Variants in TF observed in about 807,000 individuals in gnomAD.
The protein encoded by TF is serotransferrin.
TF carries 55 observed loss-of-function variants against 82.4 expected under a neutral mutation model. That is an observed-to-expected ratio of 0.67 (90% CI 0.54 to 0.84). The LOEUF is 0.84. TF is among the 40% of genes least tolerant of loss of function. The pLI, the probability that TF is intolerant of heterozygous loss-of-function variation, is 0.00. For missense variants in TF, 737 were observed against 868.4 expected (o/e 0.85, Z 1.90); for synonymous variants, 332 against 332.6 (o/e 1.00, Z 0.02).
rs1937246063 is a variant in TF at position 133,796,054 on chromosome 3, C to T, written c.*17434C>T. 1.3e-5 allele frequency: 2 copies of T among 152,614 alleles called. No homozygotes were observed. Among genetic ancestry groups the T allele is most frequent in the South Asian group, 4.2e-4 (2 of 4,812 alleles). The allele number at this position is 152,614 out of a possible 1,614,324, so 9.5% of individuals were successfully genotyped here. Reference sequence around the variant, plus strand: ...CAGGTTTTGTTTTTCTCCTACAAATCTCTATAACAAACATTCCTGACAGCA... The same window carrying T: ...CAGGTTTTGTTTTTCTCCTACAAATTTCTATAACAAACATTCCTGACAGCA... On this transcript the variant is annotated 3_prime_UTR_variant, in exon 17 of 17. Transcript: ENST00000402696.
chr3:133,754,923 T>A (rs8177223), intron 4 of TF, among the ~76,000 whole-genome samples: 5,635 of 152,262 alleles, frequency 0.037, 334 homozygotes, highest in African/African-American at 0.13. Flanking sequence ...GGCGCAAGGC[T>A]CGGCAGAGGG....
chr3:133,762,874 C>T (rs1405022), intron 9 of TF, among the ~76,000 whole-genome samples: 77,477 of 152,012 alleles, frequency 0.51, 20,821 homozygotes, highest in Non-Finnish European at 0.59. Flanking sequence ...CTACAGTGAG[C>T]TCAAATCAAA....
Position 133,794,489 on chromosome 3 carries a change from C to G in TF, c.*15869C>G, listed in dbSNP as rs1934918418. 1 of 152,214 alleles carries G rather than the reference C, an allele frequency of 6.6e-6. No homozygotes were observed. Among genetic ancestry groups the G allele is most frequent in the African/African-American group, 2.4e-5 (1 of 41,462 alleles). The allele number at this position is 152,214 out of a possible 1,614,324, so 9.4% of individuals were successfully genotyped here. Reference sequence around the variant, plus strand: ...GTTATAACACTAAGTTATTATGCCACCAAGTATTTTCACAAGGTAAAGAAA... The same window carrying G: ...GTTATAACACTAAGTTATTATGCCAGCAAGTATTTTCACAAGGTAAAGAAA... On this transcript the variant is annotated 3_prime_UTR_variant, in exon 17 of 17. Coordinates refer to ENST00000402696, the MANE Select transcript of TF (RefSeq NM_001063.4).
chr3:133,702,670 C>T, the TF span, among the ~76,000 whole-genome samples: 106 of 151,692 alleles, frequency 7.0e-4, no homozygotes, highest in African/African-American at 2.2e-3. Context: ...GATCTCTGAG[C>T]GATGAAATTG....
At chr3:133,748,090 G>A (rs1441678813) in intron 1 of TF, 3 of 404,836 alleles carry the variant, frequency 7.4e-6, no homozygotes, top group Non-Finnish European at 1.4e-5. Flanking sequence ...TCCATGGGGG[G>A]CCAGGGGCCA....
chr3:133,753,447 A>C (rs1304591121), intron 2 of TF, 148 bp from the exon 3 acceptor site: 2 of 699,106 alleles, frequency 2.9e-6, no homozygotes, highest in African/African-American at 3.5e-5. Context: ...AGACAGAGTC[A>C]ACTGAAGCCA....
In TF at chr3:133,759,170, C is replaced by T; in HGVS notation, c.1049-5C>T. 1 of 1,614,040 alleles carries T rather than the reference C, an allele frequency of 6.2e-7. No individual in the cohort carries two copies. Among genetic ancestry groups the T allele is most frequent in the Admixed American group, 1.7e-5 (1 of 60,008 alleles). ...TCTGATCTTTGTTCTTTTTTTATGC[C>T]ATAGGCCCAGAAGCCCCAACAGATG... On this transcript the variant is annotated splice_polypyrimidine_tract_variant and splice_region_variant and intron_variant, in intron 8 of 16. Coordinates refer to ENST00000402696, the MANE Select transcript of TF (RefSeq NM_001063.4).
chr3:133,683,189 A>G, the TF span, among the ~76,000 whole-genome samples: 3 of 152,212 alleles, frequency 2.0e-5, no homozygotes, highest in South Asian at 6.2e-4. Flanking sequence ...GCCTTACAAG[A>G]GCTCCTGAAG....
At chr3:133,714,229 C>T in the TF span, among the ~76,000 whole-genome samples, 1 of 152,104 alleles carries the variant, frequency 6.6e-6, no homozygotes, top group South Asian at 2.1e-4. Flanking sequence ...CTGGCTGTCT[C>T]GGAGCCCTGT....
chr3:133,737,283 A>G, the TF span, among the ~76,000 whole-genome samples: 98 of 152,352 alleles, frequency 6.4e-4, no homozygotes, highest in Non-Finnish European at 1.3e-3. Context: ...CAAAGACACA[A>G]TGTACCAGAA....
rs1358764557 is a variant in TF at position 133,787,198 on chromosome 3, A to G, written c.*8578A>G. 6.6e-6 allele frequency: 1 copy of G among 152,226 alleles called. No homozygotes were observed. Among genetic ancestry groups the G allele is most frequent in the Non-Finnish European group, 1.5e-5 (1 of 68,040 alleles). The allele number at this position is 152,226 out of a possible 1,614,324, so 9.4% of individuals were successfully genotyped here. A position where few individuals can be genotyped will look rare whatever the true frequency, so the allele number is the denominator to read the frequency against. On this transcript the variant is annotated 3_prime_UTR_variant, in exon 17 of 17. Transcript: ENST00000402696. ...GTCTCTAGATGTTTAAGAAGTTGCC[A>G]GTGTATGACAAAGTATCTAGTAAAA...
chr3:133,680,536 T>TTC, the TF span, among the ~76,000 whole-genome samples: 10 of 150,742 alleles, frequency 6.6e-5, no homozygotes, highest in East Asian at 1.4e-3. Context: ...TTCTTTTCTT[T>TTC]TTTTTTTTTT....
At chr3:133,777,517 T>C (rs1934426377) in intron 16 of TF, 2 of 416,392 alleles carry the variant, frequency 4.8e-6, no homozygotes, top group Non-Finnish European at 4.4e-6. Context: ...TATGTGTACA[T>C]GCCATTGCTC....
the TF span, chr3:133,699,614 C>T: frequency 1.9e-6 from 1 of 536,858 alleles, no homozygotes; most frequent in Non-Finnish European, 3.7e-6. Flanking sequence ...AGCTTCTCAA[C>T]CAGGTCCAGG....
chr3:133,732,654 A>C, the TF span, among the ~76,000 whole-genome samples: 1 of 152,210 alleles, frequency 6.6e-6, no homozygotes, highest in Non-Finnish European at 1.5e-5. Context: ...TTCATTTCTG[A>C]AGTCAGCAAG....
At chr3:133,739,990 C>G in the TF span, among the ~76,000 whole-genome samples, 1 of 152,128 alleles carries the variant, frequency 6.6e-6, no homozygotes, top group Non-Finnish European at 1.5e-5. Flanking sequence ...TGGGTATATA[C>G]CCAAAGGATT....
chr3:133,703,251 T>C, the TF span, among the ~76,000 whole-genome samples: 1 of 152,232 alleles, frequency 6.6e-6, no homozygotes, highest in Admixed American at 6.5e-5. Flanking sequence ...TTATGAGCTC[T>C]TAAACTGTAT....
At chr3:133,684,575 C>A in the TF span, among the ~76,000 whole-genome samples, 4 of 152,122 alleles carry the variant, frequency 2.6e-5, no homozygotes, top group Admixed American at 2.6e-4. Flanking sequence ...ACTATAAATA[C>A]CTCTAAACAA....
the TF span, among the ~76,000 whole-genome samples, chr3:133,722,172 A>G: frequency 3.9e-5 from 6 of 151,958 alleles, no homozygotes; most frequent in African/African-American, 1.5e-4. Context: ...ATAAGCCACC[A>G]TGCCTGGCCT....
Sources: allele counts gnomAD v4.1 joint callset (sites outside exome capture counted in the v4.1 genomes callset), GRCh38; gene constraint gnomAD v4.1.1; transcripts MANE v1.5; gene names NCBI Gene and HGNC (gene_info 2026-07-23, HGNC 2026-07-21).